Variants in STAU2 observed in about 807,000 individuals in gnomAD.
STAU2 encodes the protein double-stranded RNA-binding protein Staufen homolog 2.
In STAU2, 20 loss-of-function variants were observed where a neutral mutation model predicts 65.9. The ratio of observed to expected loss-of-function variants is 0.30; its 90% CI spans 0.21 to 0.44. The LOEUF (loss-of-function observed/expected upper bound fraction) is 0.44, where lower values mean the gene tolerates loss of function less well. Among genes scored for constraint, STAU2 ranks in the 20% least tolerant of loss-of-function variants. The pLI, the probability that STAU2 is intolerant of heterozygous loss-of-function variation, is 1.00. For missense variants in STAU2, 558 were observed against 683.9 expected (o/e 0.82, Z 2.05); for synonymous variants, 232 against 233.9 (o/e 0.99, Z 0.07).
chr8:73,512,560 T>TA (rs1469724146), intron 13 of STAU2, among the ~76,000 whole-genome samples: 1 of 152,176 alleles, frequency 6.6e-6, no homozygotes, highest in Non-Finnish European at 1.5e-5. Flanking sequence ...TACCAGTATA[T>TA]AGAAATACAA....
intron 13 of STAU2, among the ~76,000 whole-genome samples, chr8:73,509,765 TTA>T (rs1822283151): frequency 6.6e-6 from 1 of 152,102 alleles, no homozygotes; most frequent in Admixed American, 6.6e-5. Context: ...GTAAAAACAA[TTA>T]CTGGGGAATT....
At chr8:73,701,260 C>T (rs531763015) in intron 4 of STAU2, among the ~76,000 whole-genome samples, 1 of 152,156 alleles carries the variant, frequency 6.6e-6, no homozygotes, top group East Asian at 1.9e-4. Flanking sequence ...GCAACCAAAG[C>T]AACAATGGAC....
At chr8:73,741,106 C>A (rs1806830926) in intron 1 of STAU2, among the ~76,000 whole-genome samples, 1 of 150,012 alleles carries the variant, frequency 6.7e-6, no homozygotes, top group African/African-American at 2.5e-5. Context: ...GAGATCGAGA[C>A]CATCCTGGCT....
At chr8:73,534,181 T>C (rs568899073) in intron 13 of STAU2, among the ~76,000 whole-genome samples, 6 of 152,328 alleles carry the variant, frequency 3.9e-5, no homozygotes, top group African/African-American at 1.4e-4. Flanking sequence ...CTGTAGCTAC[T>C]GCACAGAAGC....
At chr8:73,491,937 T>G (rs906950854) in intron 13 of STAU2, among the ~76,000 whole-genome samples, 3 of 152,076 alleles carry the variant, frequency 2.0e-5, no homozygotes, top group African/African-American at 7.2e-5. Flanking sequence ...AAGAAACCAT[T>G]AAACTGAGTA....
At chr8:73,654,011 C>A in intron 6 of STAU2, 1 of 241,126 alleles carries the variant, frequency 4.1e-6, no homozygotes, top group South Asian at 4.0e-5. Context: ...AAAAGGATGA[C>A]TTACTTTTAT....
intron 6 of STAU2, among the ~76,000 whole-genome samples, chr8:73,657,637 AT>A (rs1197817977): frequency 6.6e-6 from 1 of 152,028 alleles, no homozygotes; most frequent in Non-Finnish European, 1.5e-5. Context: ...TTTCTTCTAT[AT>A]TTATATTGGT....
chr8:73,424,535 G>C (rs1182359325), intron 13 of STAU2, among the ~76,000 whole-genome samples: 2 of 152,062 alleles, frequency 1.3e-5, no homozygotes, highest in South Asian at 4.1e-4. Flanking sequence ...TTTCATAAAT[G>C]AGCTTCGTAG....
At chr8:73,687,703 A>G (rs1226806263) in intron 5 of STAU2, among the ~76,000 whole-genome samples, 1 of 149,086 alleles carries the variant, frequency 6.7e-6, no homozygotes, top group Non-Finnish European at 1.5e-5. Flanking sequence ...GCACCAAGCC[A>G]CTATCATTTT....
chr8:73,550,034 G>T (rs1807217102), intron 13 of STAU2: 1 of 985,550 alleles, frequency 1.0e-6, no homozygotes, highest in South Asian at 4.7e-5. Flanking sequence ...GGCTATGCAT[G>T]TGGCCAGACT....
At chr8:73,495,662 A>AATATATATATATAT (rs3032943) in intron 13 of STAU2, among the ~76,000 whole-genome samples, 2,475 of 132,218 alleles carry the variant, frequency 0.019, 65 homozygotes, top group East Asian at 0.1. Flanking sequence ...CATAAAGCCA[A>AATATATATATATAT]ATATATATAT....
At chr8:73,634,815 T>G (rs1224003453) in intron 6 of STAU2, among the ~76,000 whole-genome samples, 1 of 152,234 alleles carries the variant, frequency 6.6e-6, no homozygotes, top group Non-Finnish European at 1.5e-5. Flanking sequence ...AAGTCTTCGC[T>G]CAAATCTCAC....
chr8:73,523,078 C>A (rs902892124), intron 13 of STAU2, among the ~76,000 whole-genome samples: 1 of 151,624 alleles, frequency 6.6e-6, no homozygotes. Context: ...CACCTGTAAT[C>A]CCAGCTACTC....
chr8:73,573,354 T>C (rs1010762886), intron 12 of STAU2, among the ~76,000 whole-genome samples: 6 of 152,210 alleles, frequency 3.9e-5, no homozygotes, highest in African/African-American at 1.2e-4. Context: ...TTCAATGCCA[T>C]TCCCATCAAG....
At position 73,613,893 on chromosome 8, in the gene STAU2, A is replaced by G. The variant is rs769259321; in HGVS notation, c.742T>C (p.Phe248Leu). The part of the protein sequence containing the change: ...SFVTRVSVGE[F>L]SAEGEGNSKK... The stretch of plus-strand genomic sequence containing the variant: ...CTATTTCCTTCTCCTTCTGCAGAGA[A>G]CTCTCCTACTGACACTCGAGTAACA... Residue 248 changes from phenylalanine (F) to leucine (L), a missense_variant, in exon 9 of 15, where the codon TTC (phenylalanine) becomes CTC (leucine). Around this residue, in one of 3 missense-constraint regions of STAU2, gnomAD observed 199 missense variants for 299.5 expected, o/e 0.66. Transcript: ENST00000524300. 1 of 1,612,858 alleles carries G rather than the reference A, an allele frequency of 6.2e-7. No individual in the cohort carries two copies. The highest frequency in any genetic ancestry group is 1.1e-5 in the South Asian group (1 of 90,934).
chr8:73,514,950 T>C (rs1822624189), intron 13 of STAU2, among the ~76,000 whole-genome samples: 1 of 152,166 alleles, frequency 6.6e-6, no homozygotes, highest in Admixed American at 6.6e-5. Flanking sequence ...TCTAGTACAG[T>C]GGTGGACATG....
intron 3 of STAU2, among the ~76,000 whole-genome samples, chr8:73,736,930 T>C (rs1006428996): frequency 1.3e-5 from 2 of 152,218 alleles, no homozygotes; most frequent in African/African-American, 4.8e-5. Flanking sequence ...AGTGGTGTGA[T>C]CTCAGCTCAC....
intron 6 of STAU2, among the ~76,000 whole-genome samples, chr8:73,640,371 TC>T (rs1814864290): frequency 6.6e-6 from 1 of 152,122 alleles, no homozygotes; most frequent in South Asian, 2.1e-4. Flanking sequence ...AAACATAGCT[TC>T]CTATATTGGA....
intron 13 of STAU2, among the ~76,000 whole-genome samples, chr8:73,481,772 A>C (rs1281319170): frequency 6.6e-6 from 1 of 152,154 alleles, no homozygotes; most frequent in Non-Finnish European, 1.5e-5. Context: ...TGCTTGTTGA[A>C]ACATTATAAT....
Sources: allele counts gnomAD v4.1 joint callset (sites outside exome capture counted in the v4.1 genomes callset), GRCh38; gene constraint gnomAD v4.1.1; regional missense constraint gnomAD v4.1.1; transcripts MANE v1.5; gene names NCBI Gene and HGNC (gene_info 2026-07-23, HGNC 2026-07-21).